WDR19: variants seen among roughly 807,000 people sequenced by gnomAD.
WDR19 encodes the protein WD repeat domain 19.
In WDR19, 121 loss-of-function variants were observed where a neutral mutation model predicts 180.0. The ratio of observed to expected loss-of-function variants is 0.67; its 90% CI spans 0.58 to 0.78. The LOEUF (loss-of-function observed/expected upper bound fraction) is 0.78, where lower values mean the gene tolerates loss of function less well. Among genes scored for constraint, WDR19 ranks in the 30% least tolerant of loss-of-function variants. The pLI is 0.00. For missense variants in WDR19, 1,450 were observed against 1,640.7 expected (o/e 0.88, Z 2.01); for synonymous variants, 497 against 540.7 (o/e 0.92, Z 1.12).
At chr4:39,244,118 A>G in intron 21 of WDR19, 130 bp from the exon 22 acceptor site, 1 of 1,097,732 alleles carries the variant, frequency 9.1e-7, no homozygotes, top group Non-Finnish European at 1.2e-6. Flanking sequence ...TAAAATCATG[A>G]GGCTTCCCTG....
At chr4:39,216,996 A>G in intron 12 of WDR19, 138 bp from the exon 13 acceptor site, 1 of 593,796 alleles carries the variant, frequency 1.7e-6, no homozygotes, top group East Asian at 3.0e-5. Context: ...CAATTTAATT[A>G]TTTAATCATT....
intron 6 of WDR19, among the ~76,000 whole-genome samples, chr4:39,202,270 TC>T (rs1252254415): frequency 3.3e-5 from 5 of 152,208 alleles, no homozygotes; most frequent in African/African-American, 1.2e-4. Context: ...TTCAAATTTG[TC>T]TAATCATCTG....
intron 7 of WDR19, among the ~76,000 whole-genome samples, chr4:39,204,793 T>G (rs1486483908): frequency 6.6e-6 from 1 of 152,196 alleles, no homozygotes; most frequent in African/African-American, 2.4e-5. Context: ...CAGAACAGCC[T>G]CTTAGAGTGG....
chr4:39,245,407 C>T lies in WDR19; in HGVS notation c.2684C>T (p.Pro895Leu). The T allele has an allele frequency of 6.2e-7, 1 of 1,613,740 alleles. No homozygotes were observed. The highest frequency in any genetic ancestry group is 1.1e-5 in the South Asian group (1 of 90,998). ...VGDLLPHVSS[P>L]KIHLQYAKAK... ...GATCTTCTGCCCCACGTTTCTTCTC[C>T]TAAGATCCATTTGCAGTATGCCAAA... The change falls in exon 24 of 37, where the codon CCT becomes CTT. Residue 895 changes from proline to leucine, a missense_variant. Physicochemically the swap from Pro to Leu is moderately conservative, Grantham distance 98. Transcript: ENST00000399820.
At chr4:39,234,935 C>T (rs978530651) in intron 20 of WDR19, 60 bp downstream of exon 20, 39 of 1,031,976 alleles carry the variant, frequency 3.8e-5, no homozygotes, top group South Asian at 1.0e-4. Context: ...ATCTTCAGTT[C>T]GAAACTTCCA....
At chr4:39,240,559 A>G (rs1577966064) in intron 21 of WDR19, among the ~76,000 whole-genome samples, 1 of 152,218 alleles carries the variant, frequency 6.6e-6, no homozygotes, top group African/African-American at 2.4e-5. Flanking sequence ...TAAGTTTTAC[A>G]TCCTTAATAT....
chr4:39,229,328 ACTTAC>A (rs1730609684), intron 17 of WDR19, among the ~76,000 whole-genome samples: 1 of 152,186 alleles, frequency 6.6e-6, no homozygotes, highest in African/African-American at 2.4e-5. Context: ...AGATAACAGC[ACTTAC>A]CTTGTTCATT....
intron 5 of WDR19, among the ~76,000 whole-genome samples, chr4:39,195,773 A>AAGTGC (rs1456427672): frequency 1.3e-5 from 2 of 152,218 alleles, no homozygotes; most frequent in Admixed American, 1.3e-4. Context: ...ATACTTGAGA[A>AAGTGC]AGTGCCCTTC....
chr4:39,224,857 C>T (rs1730078335), intron 14 of WDR19, 27 bp from the exon 15 acceptor site: 4 of 1,471,696 alleles, frequency 2.7e-6, no homozygotes, highest in Non-Finnish European at 1.8e-6. Context: ...TTTATATTTT[C>T]ATGGCTGGAT....
rs1353554868 is a variant in WDR19 at position 39,185,738 on chromosome 4, CT to C, written c.20del (p.Leu7ArgfsTer2). MKRIFS[L>X]LEKTWLGAPI... is the part of the protein sequence containing the mutation. ...GTTTATTTTTTAGCGTATTTTCTCACTGCTAGAAAAGACTTGGCTTGGCGCA... is the reference window on the plus strand; with the variant it reads ...GTTTATTTTTTAGCGTATTTTCTCACGCTAGAAAAGACTTGGCTTGGCGCA... On this transcript the variant is annotated frameshift_variant, in exon 2 of 37. Transcript: ENST00000399820. LOFTEE classifies it high-confidence loss of function. 6.4e-7 allele frequency: 1 copy of C among 1,556,054 alleles called. No individual in the cohort carries two copies. Among genetic ancestry groups the C allele is most frequent in the African/African-American group, 1.4e-5 (1 of 73,232 alleles).
intron 33 of WDR19, among the ~76,000 whole-genome samples, chr4:39,276,019 A>G (rs531490906): frequency 6.6e-6 from 1 of 152,358 alleles, no homozygotes; most frequent in Admixed American, 6.5e-5. Flanking sequence ...GAAAAAAGTC[A>G]TTGCAGTCAT....
intron 17 of WDR19, among the ~76,000 whole-genome samples, chr4:39,229,889 A>G (rs966398013): frequency 1.3e-5 from 2 of 152,056 alleles, no homozygotes. Flanking sequence ...CCTCACTGTA[A>G]TCACACATGC....
At chr4:39,264,866 C>G (rs1193846333) in intron 28 of WDR19, among the ~76,000 whole-genome samples, 1 of 151,996 alleles carries the variant, frequency 6.6e-6, no homozygotes, top group African/African-American at 2.4e-5. Context: ...CATTATTTTT[C>G]CTGCTCAACA....
intron 4 of WDR19, among the ~76,000 whole-genome samples, chr4:39,193,835 C>G (rs1047218046): frequency 6.6e-6 from 1 of 152,148 alleles, no homozygotes; most frequent in African/African-American, 2.4e-5. Flanking sequence ...GTCAGTATGT[C>G]TGGGCTGGGA....
chr4:39,220,560 A>ATTTTTTTTTTTTTT (rs142037096), intron 14 of WDR19, among the ~76,000 whole-genome samples: 1 of 64,376 alleles, frequency 1.6e-5, no homozygotes, highest in African/African-American at 7.3e-5. Context: ...GACCTCCTTG[A>ATTTTTTTTTTTTTT]TTTTTTTTTT....
chr4:39,241,390 G>C (rs994020898), intron 21 of WDR19, among the ~76,000 whole-genome samples: 2 of 151,812 alleles, frequency 1.3e-5, no homozygotes, highest in Non-Finnish European at 2.9e-5. Context: ...CTACTTGGGA[G>C]GCTGAGGTGG....
intron 36 of WDR19, among the ~76,000 whole-genome samples, chr4:39,283,483 C>T (rs1470150975): frequency 6.6e-6 from 1 of 150,798 alleles, no homozygotes; most frequent in African/African-American, 2.4e-5. Context: ...TTGTTCAGTT[C>T]CTCTTGTCTT....
intron 32 of WDR19, 41 bp downstream of exon 32, chr4:39,273,102 C>A: frequency 6.7e-7 from 1 of 1,483,526 alleles, no homozygotes; most frequent in Non-Finnish European, 9.2e-7. Context: ...TGCCCCATGC[C>A]CCATGCCGCA....
rs773526685 is a variant in WDR19 at position 39,189,721 on chromosome 4, G to T, written c.230G>T (p.Ser77Ile). 6.2e-7 allele frequency: 1 copy of T among 1,611,902 alleles called. No individual in the cohort carries two copies. Residue 77 changes from serine to isoleucine, a missense_variant, in exon 4 of 37, where the codon AGC (serine) becomes ATC (isoleucine). Transcript: ENST00000399820. ...DVLAVIAEKS[S>I]CIYLWDANTN... ...CTAGCAGTGATTGCTGAGAAATCTA[G>T]CTGCATTTATCTTTGGGATGCCAAC... is the stretch of plus-strand genomic sequence containing the variant.
Sources: allele counts gnomAD v4.1 joint callset (sites outside exome capture counted in the v4.1 genomes callset), GRCh38; gene constraint gnomAD v4.1.1; transcripts MANE v1.5; gene names NCBI Gene and HGNC (gene_info 2026-07-23, HGNC 2026-07-21).